Variants in LARS1 observed in about 807,000 individuals in gnomAD.
LARS1 encodes leucyl-tRNA synthetase 1.
In LARS1, 100 loss-of-function variants were observed where a neutral mutation model predicts 162.8. The ratio of observed to expected loss-of-function variants is 0.61; its 90% CI spans 0.52 to 0.73. The LOEUF (loss-of-function observed/expected upper bound fraction) is 0.73, where lower values mean the gene tolerates loss of function less well. LARS1 is among the 30% of genes least tolerant of loss of function. The pLI is 0.00. For missense variants in LARS1, 1,258 were observed against 1,408.9 expected (o/e 0.89, Z 1.71); for synonymous variants, 457 against 462.8 (o/e 0.99, Z 0.16).
Position 146,144,671 on chromosome 5 carries a change from C to T in LARS1, c.1542G>A (p.Val514=), listed in dbSNP as rs1419974086. 6.2e-7 allele frequency: 1 copy of T among 1,614,004 alleles called. No individual in the cohort carries two copies. Among genetic ancestry groups the T allele is most frequent in the Non-Finnish European group, 8.5e-7 (1 of 1,180,008 alleles). The part of the protein sequence containing the change: ...ALIYMEPEKQ[V]MSRSSDECVV... ...CACATTCATCTGACGACCTGGACAT[C>T]ACTTGTTTCTCTGGTTCCATGTAAA... is the stretch of plus-strand genomic sequence containing the variant. The change falls in exon 16 of 32, where the codon GTG becomes GTA. Residue 514 remains valine, a synonymous_variant. Transcript: ENST00000394434.
Position 146,154,175 on chromosome 5 carries a change from T to C in LARS1, c.1066-195A>G, listed in dbSNP as rs189001736. Reference sequence around the variant, plus strand: ...TTATACTTGAAAATTGCTGTGTAGATTTTTTTAAGAGACAGAGCCTTGCTA... The same window carrying C: ...TTATACTTGAAAATTGCTGTGTAGACTTTTTTAAGAGACAGAGCCTTGCTA... On this transcript the variant is annotated intron_variant, in intron 10 of 31. Coordinates refer to ENST00000394434, the MANE Select transcript of LARS1 (RefSeq NM_020117.11). 1.8e-4 allele frequency among the ~76,000 whole-genome samples: 27 copies of C among 152,254 alleles called. No homozygotes were observed. In the East Asian group the frequency reaches 5.0e-3, roughly 28 times the overall value.
At chr5:146,162,504 C>G (rs954496698) in intron 6 of LARS1, among the ~76,000 whole-genome samples, 2 of 152,106 alleles carry the variant, frequency 1.3e-5, no homozygotes, top group Admixed American at 6.5e-5. Flanking sequence ...GTGCTGTCAC[C>G]CAGGCTTTAT....
At chr5:146,149,179 T>C (rs1753157457) in intron 15 of LARS1, among the ~76,000 whole-genome samples, 1 of 152,212 alleles carries the variant, frequency 6.6e-6, no homozygotes, top group Non-Finnish European at 1.5e-5. Context: ...TTGCTGCTTT[T>C]TTATTTCAAC....
chr5:146,163,841 CAT>C (rs1561826696), intron 6 of LARS1, among the ~76,000 whole-genome samples: 1 of 152,142 alleles, frequency 6.6e-6, no homozygotes, highest in Admixed American at 6.6e-5. Flanking sequence ...TGATGAGAGA[CAT>C]GTGACTCTCC....
chr5:146,168,350 T>C, intron 4 of LARS1, 85 bp from the exon 5 acceptor site: 9 of 1,446,708 alleles, frequency 6.2e-6, no homozygotes, highest in African/African-American at 2.8e-5. Context: ...CCAACTAAAA[T>C]TGACTCTGAA....
chr5:146,144,441 T>C (rs763359845), intron 17 of LARS1, 31 bp downstream of exon 17: 13 of 1,605,494 alleles, frequency 8.1e-6, no homozygotes, highest in Non-Finnish European at 1.1e-5. Context: ...TCATCTCCTT[T>C]TTCCTCCTTC....
intron 15 of LARS1, among the ~76,000 whole-genome samples, chr5:146,148,706 G>A (rs1395476135): frequency 6.6e-6 from 1 of 151,462 alleles, no homozygotes; most frequent in Admixed American, 6.6e-5. Context: ...CCTTCCAAGA[G>A]TAGGAGGTTA....
rs1304664750 is a variant in LARS1, at chr5:146,130,135, T to A, written c.2511A>T (p.Glu837Asp). Residue 837 changes from glutamate (E) to aspartate (D), a missense_variant, in exon 25 of 32, where the codon GAA (glutamate) becomes GAT (aspartate). By Grantham distance (45) the Glu-to-Asp change is conservative (BLOSUM62 2). Transcript: ENST00000394434. The part of the protein sequence containing the change: ...EFQAAKDKYR[E>D]LAVEGMHREL... ...CTCTGTGCATCCCTTCCACAGCCAA[T>A]TCACGGTACTTATCTTTTGCGGCCT... 6 of 1,613,596 alleles carry A rather than the reference T, an allele frequency of 3.7e-6. No homozygotes were observed. The highest frequency in any genetic ancestry group is 5.1e-6 in the Non-Finnish European group (6 of 1,179,790).
chr5:146,114,284 A>G lies in LARS1; in HGVS notation c.3353T>C (p.Phe1118Ser), dbSNP rs748494348. The G allele has an allele frequency of 5.0e-6, 8 of 1,613,902 alleles. No homozygotes were observed. The highest frequency in any genetic ancestry group is 8.5e-7 in the Non-Finnish European group (1 of 1,179,990). ...KDLSKVKLMR[F>S]DDPLLGPRRV... is the part of the protein sequence containing the mutation. ...TCGAGGCCCCAACAGTGGATCATCA[A>G]ATCTCATCAGTTTCACTTTGGAAAG... Residue 1118 changes from phenylalanine (F) to serine (S), a missense_variant, in exon 32 of 32, where the codon TTT (phenylalanine) becomes TCT (serine). By Grantham distance (155) the Phe-to-Ser change is radical. Transcript: ENST00000394434.
chr5:146,126,577 A>G lies in LARS1; in HGVS notation c.2881-32T>C, dbSNP rs1217030888. On this transcript the variant is annotated intron_variant, in intron 27 of 31. Transcript: ENST00000394434. ...AAAGGAAGGAGGGAGAGTAATGTAG[A>G]AAAAAAAGTCTCAAGAATAAGGCAG... 36 of 1,466,676 alleles carry G rather than the reference A, an allele frequency of 2.5e-5. 1 individual carries two copies. The highest frequency in any genetic ancestry group is 3.0e-5 in the Non-Finnish European group (32 of 1,050,044). The allele number at this position is 1,466,676 out of a possible 1,614,324, so 90.9% of individuals were successfully genotyped here.
intron 20 of LARS1, among the ~76,000 whole-genome samples, chr5:146,142,045 A>G (rs971868228): frequency 6.6e-6 from 1 of 152,172 alleles, no homozygotes; most frequent in Non-Finnish European, 1.5e-5. Context: ...CTGTAATCCC[A>G]GCTACTCGGG....
Position 146,142,941 on chromosome 5 carries a change from C to T in LARS1, c.2021G>A (p.Gly674Asp). 6.2e-7 allele frequency: 1 copy of T among 1,613,968 alleles called. No individual in the cohort carries two copies. The change falls in exon 20 of 32, where the codon GGC becomes GAC. Residue 674 changes from glycine to aspartate, a missense_variant. Transcript: ENST00000394434. ...AAGATGATTTGGAACAAGATCCTTGCCAGAGACGCGAAGATCAACAGGATA... is the reference window on the plus strand; with the variant it reads ...AAGATGATTTGGAACAAGATCCTTGTCAGAGACGCGAAGATCAACAGGATA... ...FWYPVDLRVS[G>D]KDLVPNHLSY...
chr5:146,144,600 A>G, intron 16 of LARS1, 24 bp downstream of exon 16: 1 of 1,613,340 alleles, frequency 6.2e-7, no homozygotes, highest in Non-Finnish European at 8.5e-7. Flanking sequence ...GACTAGGGGA[A>G]TTTTCTTGCT....
At chr5:146,116,119 A>G (rs1764195843) in intron 31 of LARS1, among the ~76,000 whole-genome samples, 1 of 152,200 alleles carries the variant, frequency 6.6e-6, no homozygotes. Flanking sequence ...CAGGGACCAT[A>G]CAATCTATTC....
rs1346269999 is a variant in LARS1, at chr5:146,120,351, A to C, written c.3325+20T>G. The C allele has an allele frequency of 6.2e-7, 1 of 1,611,930 alleles. No individual in the cohort carries two copies. The highest frequency in any genetic ancestry group is 1.3e-5 in the African/African-American group (1 of 74,946). On this transcript the variant is annotated intron_variant, in intron 31 of 31. Coordinates refer to ENST00000394434, the MANE Select transcript of LARS1 (RefSeq NM_020117.11). ...AATCTACAAGCTACTGACAAATGGG[A>C]GTTTTGGGGAACAACTTACCTTTAA...
rs556255628 is a variant in LARS1 at position 146,113,548 on chromosome 5, A to C, written c.*558T>G. 6.6e-6 allele frequency: 1 copy of C among 152,588 alleles called. No homozygotes were observed. The highest frequency in any genetic ancestry group is 2.1e-4 in the South Asian group (1 of 4,832). The allele number at this position is 152,588 out of a possible 1,614,324, so 9.5% of individuals were successfully genotyped here. ...TTCTTAGTTGAATAATTAAAGCTTT[A>C]AAAAGTCTTATAAAATGCAGGACCT... On this transcript the variant is annotated 3_prime_UTR_variant, in exon 32 of 32. Coordinates refer to ENST00000394434, the MANE Select transcript of LARS1 (RefSeq NM_020117.11).
At chr5:146,158,878 C>T (rs980423048) in intron 8 of LARS1, among the ~76,000 whole-genome samples, 1 of 152,058 alleles carries the variant, frequency 6.6e-6, no homozygotes, top group Non-Finnish European at 1.5e-5. Flanking sequence ...GGGCAGATCA[C>T]GAGGTCAGGA....
chr5:146,177,713 C>T (rs971523296), intron 1 of LARS1, 48 bp from the exon 2 acceptor site: 2 of 997,966 alleles, frequency 2.0e-6, no homozygotes, highest in Admixed American at 4.2e-5. Context: ...AGCACGCTTG[C>T]TTTAAAAAAG....
At chr5:146,116,857 C>T (rs1464393960) in intron 31 of LARS1, among the ~76,000 whole-genome samples, 1 of 152,192 alleles carries the variant, frequency 6.6e-6, no homozygotes, top group Non-Finnish European at 1.5e-5. Context: ...ACTAATTGGA[C>T]AATTTGCTGT....
Sources: allele counts gnomAD v4.1 joint callset (sites outside exome capture counted in the v4.1 genomes callset), GRCh38; gene constraint gnomAD v4.1.1; transcripts MANE v1.5; gene names NCBI Gene and HGNC (gene_info 2026-07-23, HGNC 2026-07-21).